The following EIF4G3 variants were observed in gnomAD, a reference collection of about 807,000 sequenced individuals.
The protein encoded by EIF4G3 is eukaryotic translation initiation factor 4 gamma 3.
EIF4G3 carries 34 observed loss-of-function variants against 186.4 expected under a neutral mutation model. The ratio of observed to expected loss-of-function variants is 0.18; its 90% CI spans 0.14 to 0.24. The LOEUF (loss-of-function observed/expected upper bound fraction) is 0.24, where lower values mean the gene tolerates loss of function less well. Ranked by LOEUF, EIF4G3 falls within the 10% of genes least tolerant of loss-of-function variation. The pLI is 1.00. For synonymous variants in EIF4G3, 673 were observed against 679.5 expected, an observed-to-expected ratio of 0.99 and a Z score of 0.15; for missense variants, 1,536 against 1,948.5, an observed-to-expected ratio of 0.79 and a Z score of 3.99.
chr1:20,979,181 T>C (rs1030362139), intron 10 of EIF4G3, among the ~76,000 whole-genome samples: 5 of 152,234 alleles, frequency 3.3e-5, no homozygotes, highest in Non-Finnish European at 7.4e-5. Flanking sequence ...ATTTGTTGAA[T>C]GAAGTAAGTA....
chr1:20,883,713 A>G (rs1283765914), intron 19 of EIF4G3, among the ~76,000 whole-genome samples: 3 of 152,178 alleles, frequency 2.0e-5, no homozygotes, highest in Non-Finnish European at 2.9e-5. Context: ...AATAAAGTAG[A>G]TATTTTATGA....
At chr1:21,067,618 A>C (rs549632733) in intron 3 of EIF4G3, among the ~76,000 whole-genome samples, 7 of 152,304 alleles carry the variant, frequency 4.6e-5, no homozygotes, top group South Asian at 2.1e-4. Flanking sequence ...ACATGTATAA[A>C]TGCTTTTTAA....
At chr1:21,134,602 G>A (rs1197317082) in intron 2 of EIF4G3, among the ~76,000 whole-genome samples, 1 of 152,166 alleles carries the variant, frequency 6.6e-6, no homozygotes, top group Admixed American at 6.5e-5. Flanking sequence ...CCGGGAGGCG[G>A]AGGTTGCAGT....
At chr1:21,070,893 T>C (rs1032647692) in intron 3 of EIF4G3, among the ~76,000 whole-genome samples, 9 of 152,212 alleles carry the variant, frequency 5.9e-5, no homozygotes, top group African/African-American at 2.2e-4. Flanking sequence ...AGTGGACTAA[T>C]TGATATTGTT....
intron 4 of EIF4G3, among the ~76,000 whole-genome samples, chr1:21,009,723 C>T (rs1433920855): frequency 6.6e-6 from 1 of 151,950 alleles, no homozygotes; most frequent in Non-Finnish European, 1.5e-5. Context: ...GGCACGATCT[C>T]GGCTCACTGC....
chr1:20,946,437 C>T (rs1041563633), intron 13 of EIF4G3, among the ~76,000 whole-genome samples: 1 of 152,194 alleles, frequency 6.6e-6, no homozygotes, highest in African/African-American at 2.4e-5. Context: ...GTTCTCTCTA[C>T]AAACCAATGT....
In EIF4G3 at chr1:21,031,239, C is replaced by A. The variant is rs138784671; in HGVS notation, c.-67+19627G>T. ...CAAACAGGGTAGATCCAGGAGCCCA[C>A]AGGCAATGGTTGGACAGCACAACAA... On this transcript the variant is annotated intron_variant, in intron 4 of 36. Transcript: ENST00000602326. Among the ~76,000 whole-genome samples the A allele has an allele frequency of 5.1e-3, 779 of 151,792 alleles. 7 individuals are homozygous for A. Among genetic ancestry groups the A allele is most frequent in the African/African-American group, 0.018 (748 of 41,338 alleles).
chr1:21,145,075 A>T (rs963426242), intron 2 of EIF4G3, among the ~76,000 whole-genome samples: 1 of 152,042 alleles, frequency 6.6e-6, no homozygotes, highest in Non-Finnish European at 1.5e-5. Context: ...GCCAGGAGTT[A>T]AGAGACCAGC....
intron 18 of EIF4G3, among the ~76,000 whole-genome samples, chr1:20,888,060 G>C (rs908742623): frequency 6.6e-6 from 1 of 152,086 alleles, no homozygotes; most frequent in East Asian, 1.9e-4. Context: ...AACCAATTAA[G>C]AGCCATAGAT....
intron 2 of EIF4G3, among the ~76,000 whole-genome samples, chr1:21,124,249 C>T (rs1049967361): frequency 3.3e-5 from 5 of 151,636 alleles, no homozygotes; most frequent in Non-Finnish European, 7.4e-5. Context: ...TGCACTACTG[C>T]ACTCCAGCCT....
intron 2 of EIF4G3, chr1:21,175,415 T>C (rs1343211503): frequency 6.6e-6 from 1 of 152,044 alleles, no homozygotes; most frequent in Non-Finnish European, 1.5e-5. Context: ...CTATGAGGAG[T>C]AAATTAAAGC....
At chr1:20,945,716 C>T (rs376785059) in intron 13 of EIF4G3, among the ~76,000 whole-genome samples, 2 of 152,262 alleles carry the variant, frequency 1.3e-5, no homozygotes, top group East Asian at 3.9e-4. Flanking sequence ...CCTCCTGCCT[C>T]GTAAGCAATC....
At chr1:21,037,590 C>A (rs1313262957) in intron 4 of EIF4G3, among the ~76,000 whole-genome samples, 1 of 152,170 alleles carries the variant, frequency 6.6e-6, no homozygotes, top group Non-Finnish European at 1.5e-5. Flanking sequence ...TAAAAACCTT[C>A]TGAGTACAGA....
At chr1:21,015,585 CCT>C (rs2088712711) in intron 4 of EIF4G3, among the ~76,000 whole-genome samples, 1 of 151,924 alleles carries the variant, frequency 6.6e-6, no homozygotes, top group African/African-American at 2.4e-5. Flanking sequence ...ACAGCAAGAA[CCT>C]GTCTATACAA....
intron 2 of EIF4G3, among the ~76,000 whole-genome samples, chr1:21,111,787 G>T (rs940572782): frequency 6.6e-6 from 1 of 152,200 alleles, no homozygotes; most frequent in Admixed American, 6.6e-5. Context: ...CTTCCTGAAA[G>T]AATGTCTCTC....
At chr1:20,882,262 A>G (rs2082624647) in intron 19 of EIF4G3, among the ~76,000 whole-genome samples, 1 of 151,934 alleles carries the variant, frequency 6.6e-6, no homozygotes, top group Non-Finnish European at 1.5e-5. Flanking sequence ...TGTAATCCCA[A>G]CACTTTGGGA....
chr1:20,909,017 T>C (rs1228422080), intron 14 of EIF4G3, among the ~76,000 whole-genome samples: 1 of 151,974 alleles, frequency 6.6e-6, no homozygotes, highest in African/African-American at 2.4e-5. Context: ...CCAGGCATGG[T>C]GGCATGTGCC....
chr1:21,096,525 G>T (rs899139279), intron 2 of EIF4G3, among the ~76,000 whole-genome samples: 12 of 152,250 alleles, frequency 7.9e-5, no homozygotes, highest in African/African-American at 2.9e-4. Flanking sequence ...AAATTTAATT[G>T]CCCACTGTGA....
At chr1:21,080,351 A>C (rs2095734815) in intron 3 of EIF4G3, among the ~76,000 whole-genome samples, 1 of 151,734 alleles carries the variant, frequency 6.6e-6, no homozygotes, top group African/African-American at 2.4e-5. Flanking sequence ...GAAGAAAATA[A>C]ATTTTATGGC....
Sources: allele counts gnomAD v4.1 joint callset (sites outside exome capture counted in the v4.1 genomes callset), GRCh38; gene constraint gnomAD v4.1.1; transcripts MANE v1.5; gene names NCBI Gene and HGNC (gene_info 2026-07-23, HGNC 2026-07-21).